NT5DC1: variants seen among roughly 807,000 people sequenced by gnomAD.
The protein encoded by NT5DC1 is 5'-nucleotidase domain containing 1.
In NT5DC1, 42 loss-of-function variants were observed where a neutral mutation model predicts 59.4. The ratio of observed to expected loss-of-function variants is 0.71; its 90% CI spans 0.55 to 0.92. The LOEUF is 0.92. Ranked by LOEUF, NT5DC1 falls within the 40% of genes least tolerant of loss-of-function variation. The probability of loss-of-function intolerance (pLI) is 0.00; values close to 1 mark genes in which losing one functional copy is unlikely to be tolerated. For synonymous variants in NT5DC1, 172 were observed against 188.1 expected (o/e 0.91, Z 0.70); for missense variants, 501 against 537.1 (o/e 0.93, Z 0.66).
intron 6 of NT5DC1, chr6:116,121,848 G>T (rs1779141415): frequency 6.2e-7 from 1 of 1,613,966 alleles, no homozygotes; most frequent in East Asian, 2.2e-5. Context: ...TCTCCTTGGA[G>T]TCCAGGACTT....
intron 6 of NT5DC1, among the ~76,000 whole-genome samples, chr6:116,187,178 C>A (rs1186578640): frequency 2.0e-5 from 3 of 152,014 alleles, no homozygotes; most frequent in Non-Finnish European, 4.4e-5. Context: ...TGATCTGGTA[C>A]TGGGAAGTGT....
rs1044540298 is a variant in NT5DC1 at position 116,115,609 on chromosome 6, T to G, written c.365-82T>G. 4.6e-6 allele frequency: 3 copies of G among 655,598 alleles called. No individual in the cohort carries two copies. The African/African-American group carries it at 5.5e-5, about 12-fold the overall frequency. The allele number at this position is 655,598 out of a possible 1,614,324, so 40.6% of individuals were successfully genotyped here. On this transcript the variant is annotated intron_variant, in intron 4 of 11. Transcript: ENST00000319550. ...CTTCAGATAATTAAACAAAATCTAGTGTCTCTTCAGCCATATTCCTGTGTA... is the reference window on the plus strand; with the variant it reads ...CTTCAGATAATTAAACAAAATCTAGGGTCTCTTCAGCCATATTCCTGTGTA...
chr6:116,193,315 T>C (rs2114495873), intron 6 of NT5DC1, among the ~76,000 whole-genome samples: 1 of 152,146 alleles, frequency 6.6e-6, no homozygotes, highest in South Asian at 2.1e-4. Context: ...ACAAAACCTA[T>C]AAATAAAAAA....
intron 6 of NT5DC1, among the ~76,000 whole-genome samples, chr6:116,165,890 C>G (rs545995601): frequency 6.6e-6 from 1 of 152,332 alleles, no homozygotes; most frequent in Non-Finnish European, 1.5e-5. Context: ...ATTCCCCATG[C>G]AGGGTAGTAG....
chr6:116,191,991 A>G (rs1331385991), intron 6 of NT5DC1, among the ~76,000 whole-genome samples: 1 of 152,074 alleles, frequency 6.6e-6, no homozygotes, highest in Admixed American at 6.6e-5. Flanking sequence ...ACGAGCAAAC[A>G]TGAGGATGAG....
chr6:116,222,940 T>C (rs1781836540), intron 7 of NT5DC1, 94 bp from the exon 8 acceptor site: 1 of 676,740 alleles, frequency 1.5e-6, no homozygotes, highest in South Asian at 1.8e-5. Context: ...TGAATGATGC[T>C]GTGGTAAAAT....
intron 6 of NT5DC1, among the ~76,000 whole-genome samples, chr6:116,158,165 TC>T (rs1780244807): frequency 6.6e-6 from 1 of 152,178 alleles, no homozygotes; most frequent in African/African-American, 2.4e-5. Flanking sequence ...TACAAATAAA[TC>T]TACATTGACA....
intron 6 of NT5DC1, among the ~76,000 whole-genome samples, chr6:116,163,141 A>AAAAAAAAATATATATATAT (rs761718922): frequency 2.3e-5 from 2 of 88,408 alleles, no homozygotes; most frequent in African/African-American, 1.2e-4. Context: ...AAAAAAAAAA[A>AAAAAAAAATATATATATAT]ATATATATAT....
intron 3 of NT5DC1, among the ~76,000 whole-genome samples, chr6:116,109,748 T>C (rs1778836325): frequency 6.6e-6 from 1 of 152,242 alleles, no homozygotes; most frequent in Non-Finnish European, 1.5e-5. Flanking sequence ...CATTTGTGAT[T>C]TTCCCCCATT....
intron 6 of NT5DC1, among the ~76,000 whole-genome samples, chr6:116,139,886 A>G (rs1779721033): frequency 6.6e-6 from 1 of 152,194 alleles, no homozygotes; most frequent in Non-Finnish European, 1.5e-5. Context: ...TAAAAATAAC[A>G]TTCTATGATT....
At chr6:116,120,636 G>T (rs781342000) in intron 6 of NT5DC1, 7 of 1,550,532 alleles carry the variant, frequency 4.5e-6, no homozygotes, top group Non-Finnish European at 6.1e-6. Context: ...GGACCTGGAG[G>T]CCCTGGTGGC....
intron 6 of NT5DC1, among the ~76,000 whole-genome samples, chr6:116,145,760 A>G (rs1299322640): frequency 5.3e-5 from 8 of 152,194 alleles, no homozygotes; most frequent in African/African-American, 1.9e-4. Context: ...CCAGATACTT[A>G]CCAATTCATT....
chr6:116,135,170 C>T (rs2114343157), intron 6 of NT5DC1, among the ~76,000 whole-genome samples: 1 of 152,240 alleles, frequency 6.6e-6, no homozygotes, highest in Admixed American at 6.5e-5. Flanking sequence ...TTTCCCTGCT[C>T]AGCCTACCTG....
At chr6:116,106,171 G>A in intron 1 of NT5DC1, 73 bp from the exon 2 acceptor site, 1 of 813,538 alleles carries the variant, frequency 1.2e-6, no homozygotes, top group Non-Finnish European at 2.2e-6. Context: ...TTCCATTAGG[G>A]TTTTAGGTCT....
At chr6:116,110,024 G>A (rs565337063) in intron 3 of NT5DC1, among the ~76,000 whole-genome samples, 14 of 152,214 alleles carry the variant, frequency 9.2e-5, no homozygotes, top group African/African-American at 2.9e-4. Context: ...CAATGATAAG[G>A]TTTAATAGAT....
chr6:116,169,782 G>A (rs559839236), intron 6 of NT5DC1, among the ~76,000 whole-genome samples: 2 of 152,256 alleles, frequency 1.3e-5, no homozygotes, highest in East Asian at 3.9e-4. Flanking sequence ...GGAGTTCAGA[G>A]GATTATCAAT....
At chr6:116,167,206 A>ATTTTTTTTTTTTTTTTTTTTTTTTT (rs61348980) in intron 6 of NT5DC1, among the ~76,000 whole-genome samples, 2 of 87,796 alleles carry the variant, frequency 2.3e-5, no homozygotes, top group Non-Finnish European at 4.2e-5. Context: ...CAAATAGAAG[A>ATTTTTTTTTTTTTTTTTTTTTTTTT]TTTTTTTTTT....
chr6:116,240,970 C>T lies in NT5DC1; in HGVS notation c.1252+1847C>T, dbSNP rs184253052. On this transcript the variant is annotated intron_variant, in intron 11 of 11. Transcript: ENST00000319550. ...ACCAGTCTGGCCAACATGGTGAAAC[C>T]CCGTCTCTACTAAAAGTACAAAAAT... Among the ~76,000 whole-genome samples the T allele has an allele frequency of 1.3e-4, 20 of 151,826 alleles. No homozygotes were observed. In the East Asian group the frequency reaches 3.7e-3, roughly 28 times the overall value.
In NT5DC1 at chr6:116,246,468, T is replaced by TACACACACACACACACACAC. The variant is rs57839520; in HGVS notation, c.*2451_*2470dup. On this transcript the variant is annotated 3_prime_UTR_variant, in exon 12 of 12. Coordinates refer to ENST00000319550, the MANE Select transcript of NT5DC1 (RefSeq NM_152729.3). ...ATTCATATCCAAAAATAACTTTAAA[T>TACACACACACACACACACAC]ACACACACACACACACACACACACA... 457 of 149,546 alleles carry TACACACACACACACACACAC rather than the reference T, an allele frequency of 3.1e-3. 1 individual carries two copies. Among genetic ancestry groups the TACACACACACACACACACAC allele is most frequent in the African/African-American group, 0.011 (431 of 40,518 alleles). 9.3% of individuals were successfully genotyped at this position (149,546 alleles called of 1,614,324 possible). A position where few individuals can be genotyped will look rare whatever the true frequency, so the allele number is the denominator to read the frequency against.
Sources: gnomAD v4.1 joint callset for allele counts (sites outside exome capture counted in the v4.1 genomes callset) on GRCh38, gnomAD v4.1.1 for gene constraint, MANE v1.5 for transcripts, NCBI Gene and HGNC (gene_info 2026-07-23, HGNC 2026-07-21) for gene names.